The following TOX variants were observed in gnomAD, a reference collection of about 807,000 sequenced individuals.
The protein encoded by TOX is thymocyte selection-associated high mobility group box protein TOX.
TOX carries 11 observed loss-of-function variants against 53.7 expected under a neutral mutation model. That is an observed-to-expected ratio of 0.20 (90% CI 0.13 to 0.34). The LOEUF is 0.34. Ranked by LOEUF, TOX falls within the 10% of genes least tolerant of loss-of-function variation. The pLI, the probability that TOX is intolerant of heterozygous loss-of-function variation, is 1.00. For missense variants in TOX, 570 were observed against 664.6 expected (o/e 0.86, Z 1.56); for synonymous variants, 225 against 245.3 (o/e 0.92, Z 0.77).
In TOX at chr8:59,009,152, T is replaced by A. The variant is rs1813849596; in HGVS notation, c.103-49144A>T. 3.3e-5 allele frequency among the ~76,000 whole-genome samples: 5 copies of A among 151,886 alleles called. No homozygotes were observed. In the South Asian group the frequency reaches 1.0e-3, roughly 32 times the overall value. On this transcript the variant is annotated intron_variant, in intron 1 of 8. Coordinates refer to ENST00000361421, the MANE Select transcript of TOX (RefSeq NM_014729.3). Reference sequence around the variant, plus strand: ...TCCCTTCTCCTTCTTTCCTTTCTACTTTTTTTCCTTTATTCCTTCATCTCT... The same window carrying A: ...TCCCTTCTCCTTCTTTCCTTTCTACATTTTTTCCTTTATTCCTTCATCTCT...
chr8:58,883,687 T>C (rs779751100), intron 3 of TOX, among the ~76,000 whole-genome samples: 1 of 152,144 alleles, frequency 6.6e-6, no homozygotes, highest in African/African-American at 2.4e-5. Flanking sequence ...GGACAAAGTA[T>C]GGAATGTAGG....
chr8:58,815,805 A>T, intron 6 of TOX, 81 bp from the exon 7 acceptor site: 1 of 1,463,762 alleles, frequency 6.8e-7, no homozygotes, highest in Non-Finnish European at 9.1e-7. Context: ...TGAGTTTATT[A>T]AAGCACCTTC....
intron 2 of TOX, among the ~76,000 whole-genome samples, chr8:58,955,635 C>T (rs890509823): frequency 6.6e-6 from 1 of 152,022 alleles, no homozygotes; most frequent in African/African-American, 2.4e-5. Context: ...TCATACAGTA[C>T]TTCAACTGAG....
intron 5 of TOX, among the ~76,000 whole-genome samples, chr8:58,833,859 T>C (rs1164004331): frequency 1.3e-5 from 2 of 152,318 alleles, no homozygotes; most frequent in African/African-American, 4.8e-5. Flanking sequence ...TCAGTGGCTT[T>C]GGTAGGAATG....
chr8:58,895,783 G>A (rs1811634762), intron 3 of TOX, among the ~76,000 whole-genome samples: 1 of 152,208 alleles, frequency 6.6e-6, no homozygotes, highest in Non-Finnish European at 1.5e-5. Context: ...GACCACCAGA[G>A]AGGCAGACTG....
At chr8:58,954,485 C>T (rs1812679068) in intron 2 of TOX, among the ~76,000 whole-genome samples, 1 of 152,182 alleles carries the variant, frequency 6.6e-6, no homozygotes, top group Non-Finnish European at 1.5e-5. Context: ...ATGAGTCCTA[C>T]CTTCAAGAGC....
Position 58,828,270 on chromosome 8 carries a change from C to T in TOX, c.925-1368G>A, listed in dbSNP as rs143164757. Among the ~76,000 whole-genome samples, 240 of 152,224 alleles carry T rather than the reference C, an allele frequency of 1.6e-3. 1 individual carries two copies. Among genetic ancestry groups the T allele is most frequent in the African/African-American group, 5.5e-3 (230 of 41,532 alleles). ...TTGCTTAAGGTAAACAAATGACTAA[C>T]CTTGTCAACAGAATTATAACAGGAC... On this transcript the variant is annotated intron_variant, in intron 5 of 8. Coordinates refer to ENST00000361421, the MANE Select transcript of TOX (RefSeq NM_014729.3).
At chr8:59,010,105 G>C (rs964154501) in intron 1 of TOX, among the ~76,000 whole-genome samples, 2 of 152,126 alleles carry the variant, frequency 1.3e-5, no homozygotes, top group African/African-American at 2.4e-5. Flanking sequence ...ATACCAAATA[G>C]TGTAGAATTC....
At chr8:59,035,141 G>A (rs1458636927) in intron 1 of TOX, among the ~76,000 whole-genome samples, 1 of 152,124 alleles carries the variant, frequency 6.6e-6, no homozygotes, top group African/African-American at 2.4e-5. Flanking sequence ...ATGTTACCAT[G>A]CTCATTAGCC....
chr8:58,873,414 C>T (rs1273063998), intron 3 of TOX, among the ~76,000 whole-genome samples: 1 of 152,068 alleles, frequency 6.6e-6, no homozygotes, highest in Non-Finnish European at 1.5e-5. Flanking sequence ...TTTTCATAGA[C>T]AAAGTTTCAT....
At chr8:58,913,236 A>C (rs1585897047) in intron 3 of TOX, among the ~76,000 whole-genome samples, 1 of 152,324 alleles carries the variant, frequency 6.6e-6, no homozygotes, top group South Asian at 2.1e-4. Context: ...GGATCACTTG[A>C]GGCCAGGAGT....
chr8:58,983,942 C>T (rs1039063564), intron 1 of TOX, among the ~76,000 whole-genome samples: 1 of 152,186 alleles, frequency 6.6e-6, no homozygotes, highest in Non-Finnish European at 1.5e-5. Context: ...CCATATGTGT[C>T]CCTGACATCC....
At chr8:59,090,931 A>G (rs1804597447) in intron 1 of TOX, among the ~76,000 whole-genome samples, 2 of 152,328 alleles carry the variant, frequency 1.3e-5, no homozygotes, top group South Asian at 4.1e-4. Context: ...TATCAAAGGC[A>G]GTCCCACCCC....
chr8:59,113,605 A>G (rs1586027647), intron 1 of TOX, among the ~76,000 whole-genome samples: 1 of 152,184 alleles, frequency 6.6e-6, no homozygotes, highest in Non-Finnish European at 1.5e-5. Flanking sequence ...GGCAACCACA[A>G]TGGTGATTAG....
intron 1 of TOX, among the ~76,000 whole-genome samples, chr8:58,981,403 C>CT (rs1157851234): frequency 1.3e-5 from 2 of 151,934 alleles, no homozygotes; most frequent in African/African-American, 4.8e-5. Context: ...TGATGGTTTT[C>CT]TTTTTTTTCA....
chr8:58,852,784 G>GA (rs1810847794), intron 3 of TOX, among the ~76,000 whole-genome samples: 1 of 152,090 alleles, frequency 6.6e-6, no homozygotes, highest in African/African-American at 2.4e-5. Context: ...AGAAAAACAA[G>GA]AAAACTGTGA....
intron 1 of TOX, among the ~76,000 whole-genome samples, chr8:58,985,390 A>C (rs150674378): frequency 1.6e-3 from 245 of 152,316 alleles, no homozygotes; most frequent in Admixed American, 7.9e-3. Context: ...CAGATACAGA[A>C]AATAAAAAAT....
chr8:58,815,571 C>T lies in TOX; in HGVS notation c.1159G>A (p.Ala387Thr), dbSNP rs1196028626. The change falls in exon 7 of 9, where the codon GCC (alanine) becomes ACC (threonine). Residue 387 changes from alanine to threonine, a missense_variant. Coordinates refer to ENST00000361421, the MANE Select transcript of TOX (RefSeq NM_014729.3). ...QQPGMNPHLTAMHPSLPRNIA... is the reference protein window; with the variant it reads ...QQPGMNPHLTTMHPSLPRNIA... Reference sequence around the variant, plus strand: ...TTCCTGGGGAGACTAGGATGCATGGCAGTTAGGTGAGGATTCATTCCCGGT... The same window carrying T: ...TTCCTGGGGAGACTAGGATGCATGGTAGTTAGGTGAGGATTCATTCCCGGT... The T allele has an allele frequency of 4.3e-6, 7 of 1,613,926 alleles. No homozygotes were observed. Among genetic ancestry groups the T allele is most frequent in the Non-Finnish European group, 5.9e-6 (7 of 1,180,010 alleles).
chr8:58,956,876 G>A (rs1347811012), intron 2 of TOX, among the ~76,000 whole-genome samples: 1 of 152,214 alleles, frequency 6.6e-6, no homozygotes, highest in Non-Finnish European at 1.5e-5. Flanking sequence ...GCCTCCCAAA[G>A]TGCTGGGATT....
Sources: gnomAD v4.1 joint callset for allele counts (sites outside exome capture counted in the v4.1 genomes callset) on GRCh38, gnomAD v4.1.1 for gene constraint, MANE v1.5 for transcripts, NCBI Gene and HGNC (gene_info 2026-07-23, HGNC 2026-07-21) for gene names.